Variants in DLGAP2 observed in about 807,000 individuals in gnomAD.
DLGAP2 encodes disks large-associated protein 2.
A neutral mutation model predicts 100.3 loss-of-function variants in DLGAP2; 26 were observed. The observed-to-expected ratio is 0.26, with a 90% CI of 0.19 to 0.36. The LOEUF (loss-of-function observed/expected upper bound fraction) is 0.36, where lower values mean the gene tolerates loss of function less well. Ranked by LOEUF, DLGAP2 falls within the 10% of genes least tolerant of loss-of-function variation. The pLI is 1.00. For synonymous variants in DLGAP2, 886 were observed against 630.1 expected, an observed-to-expected ratio of 1.41 and a Z score of -6.08; for missense variants, 1,858 against 1,453.2, an observed-to-expected ratio of 1.28 and a Z score of -4.53.
intron 2 of DLGAP2, among the ~76,000 whole-genome samples, chr8:999,923 G>C (rs201928646): frequency 6.6e-6 from 1 of 150,384 alleles, no homozygotes; most frequent in African/African-American, 2.4e-5. Context: ...GATCCGGGTG[G>C]AGGTGGTTTT....
intron 4 of DLGAP2, among the ~76,000 whole-genome samples, chr8:1,517,407 C>T (rs1156248668): frequency 1.3e-5 from 2 of 152,112 alleles, no homozygotes; most frequent in East Asian, 3.9e-4. Flanking sequence ...CCCTGGGCGC[C>T]CAGTGCTTGG....
chr8:1,577,120 A>G (rs1436962574), intron 6 of DLGAP2, among the ~76,000 whole-genome samples: 4 of 152,236 alleles, frequency 2.6e-5, no homozygotes, highest in African/African-American at 4.8e-5. Flanking sequence ...ACATTTCAGT[A>G]TCACTGAGTG....
At chr8:1,098,429 G>A (rs976733143) in intron 2 of DLGAP2, among the ~76,000 whole-genome samples, 8 of 152,134 alleles carry the variant, frequency 5.3e-5, no homozygotes, top group Non-Finnish European at 1.5e-5. Context: ...AGGGCCTCCC[G>A]GGCAGGTTTG....
At chr8:783,153 T>C (rs1211076293) in intron 1 of DLGAP2, among the ~76,000 whole-genome samples, 2 of 152,232 alleles carry the variant, frequency 1.3e-5, no homozygotes, top group African/African-American at 4.8e-5. Flanking sequence ...TGTAAAACTT[T>C]CTTACCTCAA....
At chr8:1,345,237 T>C (rs1801527864) in intron 3 of DLGAP2, among the ~76,000 whole-genome samples, 1 of 151,822 alleles carries the variant, frequency 6.6e-6, no homozygotes, top group African/African-American at 2.4e-5. Context: ...AGGTGCAGGC[T>C]CAGTTCCTTC....
chr8:983,995 A>G (rs1240891417), intron 2 of DLGAP2, among the ~76,000 whole-genome samples: 3 of 152,110 alleles, frequency 2.0e-5, no homozygotes, highest in Non-Finnish European at 4.4e-5. Context: ...ATTCCTGAGG[A>G]AGAGTGTGCC....
chr8:1,681,941 T>A (rs936508156), intron 12 of DLGAP2, among the ~76,000 whole-genome samples: 1 of 138,828 alleles, frequency 7.2e-6, no homozygotes, highest in African/African-American at 3.4e-5. Flanking sequence ...TTGAACGCTC[T>A]GCCTTCCCAG....
rs114285071 is a variant in DLGAP2, at chr8:985,179, G to C, written c.73+77213G>C. Among the ~76,000 whole-genome samples the C allele has an allele frequency of 3.3e-3, 507 of 152,310 alleles. 5 individuals are homozygous for C. The highest frequency in any genetic ancestry group is 0.011 in the African/African-American group (476 of 41,570). ...CATGGTTGTGTGCAGGTTACAGCCT[G>C]ATCCAGAGGAAAGAGAAATCAGTGG... On this transcript the variant is annotated intron_variant, in intron 2 of 14. Transcript: ENST00000637795.
chr8:1,164,863 C>T (rs1199644391), intron 2 of DLGAP2, among the ~76,000 whole-genome samples: 3 of 152,120 alleles, frequency 2.0e-5, no homozygotes, highest in Non-Finnish European at 2.9e-5. Flanking sequence ...GAGACAGCTC[C>T]AGTCTCTCTG....
chr8:840,775 G>A (rs1158166030), intron 1 of DLGAP2, among the ~76,000 whole-genome samples: 6 of 152,218 alleles, frequency 3.9e-5, no homozygotes, highest in Non-Finnish European at 7.4e-5. Flanking sequence ...CTGCGAGCGC[G>A]TCTACACGGT....
chr8:1,380,454 T>G (rs1796065247), intron 3 of DLGAP2: 1 of 152,164 alleles, frequency 6.6e-6, no homozygotes. Flanking sequence ...CACAAATTCG[T>G]GCATAAAACT....
intron 4 of DLGAP2, among the ~76,000 whole-genome samples, chr8:1,514,780 C>A (rs573894960): frequency 5.3e-5 from 8 of 152,208 alleles, no homozygotes; most frequent in Non-Finnish European, 8.8e-5. Flanking sequence ...GTAGCTGCTG[C>A]ATCTCTCAGC....
chr8:914,300 C>T (rs369129238), intron 2 of DLGAP2, among the ~76,000 whole-genome samples: 8 of 152,318 alleles, frequency 5.3e-5, no homozygotes, highest in African/African-American at 1.9e-4. Context: ...CTTCCATGGG[C>T]TGGGGCGCTC....
intron 3 of DLGAP2, among the ~76,000 whole-genome samples, chr8:1,392,889 G>GTT (rs1193752112): frequency 2.0e-4 from 26 of 129,312 alleles, no homozygotes; most frequent in African/African-American, 6.9e-4. Context: ...TGACGTTTCT[G>GTT]TTTTTTTTTT....
intron 2 of DLGAP2, among the ~76,000 whole-genome samples, chr8:1,143,199 T>C (rs545232203): frequency 1.2e-4 from 19 of 152,198 alleles, no homozygotes; most frequent in Middle Eastern, 6.8e-3. Context: ...AAAGTTACTA[T>C]ATGACAAGGG....
chr8:848,801 G>C (rs552789399), intron 1 of DLGAP2, among the ~76,000 whole-genome samples: 3 of 148,892 alleles, frequency 2.0e-5, no homozygotes, highest in African/African-American at 2.5e-5. Flanking sequence ...GCGTGTTCCA[G>C]TGTAGGAACG....
chr8:794,179 G>C (rs1795978937), intron 1 of DLGAP2, among the ~76,000 whole-genome samples: 1 of 147,782 alleles, frequency 6.8e-6, no homozygotes, highest in Admixed American at 6.8e-5. Flanking sequence ...GGGATGAGCT[G>C]TTTGCTGGCC....
intron 2 of DLGAP2, among the ~76,000 whole-genome samples, chr8:1,129,912 G>A (rs7015734): frequency 0.014 from 2,147 of 152,276 alleles, 53 homozygotes; most frequent in African/African-American, 0.049. Context: ...AACGCTGACT[G>A]TGAATTCAGC....
At chr8:897,023 C>T (rs1185087887) in intron 1 of DLGAP2, among the ~76,000 whole-genome samples, 3 of 152,118 alleles carry the variant, frequency 2.0e-5, no homozygotes, top group African/African-American at 7.2e-5. Flanking sequence ...CTCAGTGCCA[C>T]CAGAGTCAGT....
Sources: allele counts gnomAD v4.1 joint callset (sites outside exome capture counted in the v4.1 genomes callset), GRCh38; gene constraint gnomAD v4.1.1; transcripts MANE v1.5; gene names NCBI Gene and HGNC (gene_info 2026-07-23, HGNC 2026-07-21).